Variants in FREM1 observed in about 807,000 individuals in gnomAD.
The protein encoded by FREM1 is FRAS1 related extracellular matrix 1.
A neutral mutation model predicts 210.1 loss-of-function variants in FREM1; 220 were observed. That is an observed-to-expected ratio of 1.05 (90% CI 0.94 to 1.17). The LOEUF is 1.17. Ranked by LOEUF, FREM1 falls within the 50% of genes most tolerant of loss-of-function variation. FREM1 has a pLI of 0.00. For synonymous variants in FREM1, 1,189 were observed against 980.2 expected, an observed-to-expected ratio of 1.21 and a Z score of -3.98; for missense variants, 3,454 against 2,675.5, an observed-to-expected ratio of 1.29 and a Z score of -6.42.
intron 1 of FREM1, among the ~76,000 whole-genome samples, chr9:14,885,081 C>T (rs188714883): frequency 1.4e-5 from 2 of 147,986 alleles, no homozygotes; most frequent in Admixed American, 6.7e-5. Context: ...CCCGCCACCG[C>T]GCCCGGCTAA....
intron 5 of FREM1, among the ~76,000 whole-genome samples, chr9:14,852,489 A>G (rs1827958240): frequency 6.6e-6 from 1 of 152,098 alleles, no homozygotes; most frequent in African/African-American, 2.4e-5. Flanking sequence ...GGAGTTTGAG[A>G]CCAGCCTAGG....
chr9:14,884,756 A>T (rs1341903313), intron 1 of FREM1, among the ~76,000 whole-genome samples: 1 of 152,098 alleles, frequency 6.6e-6, no homozygotes, highest in Non-Finnish European at 1.5e-5. Flanking sequence ...AATGCAATGG[A>T]AATTCTTAAC....
chr9:14,787,124 A>T (rs1850543055), intron 23 of FREM1, among the ~76,000 whole-genome samples: 1 of 152,192 alleles, frequency 6.6e-6, no homozygotes, highest in Non-Finnish European at 1.5e-5. Flanking sequence ...TGTTATTTAT[A>T]ATAGCTCCCA....
intron 1 of FREM1, among the ~76,000 whole-genome samples, chr9:14,871,057 C>T (rs1426978547): frequency 1.3e-5 from 2 of 151,998 alleles, no homozygotes; most frequent in East Asian, 1.9e-4. Flanking sequence ...TCTATCATGG[C>T]TGGACATTTG....
At chr9:14,882,113 G>T (rs7870578) in intron 1 of FREM1, among the ~76,000 whole-genome samples, 15,223 of 151,384 alleles carry the variant, frequency 0.1, 1,359 homozygotes, top group African/African-American at 0.24. Flanking sequence ...TTATTATTTT[G>T]TGTGTGTGTG....
intron 1 of FREM1, among the ~76,000 whole-genome samples, chr9:14,875,384 T>A (rs1477749817): frequency 6.6e-6 from 1 of 152,180 alleles, no homozygotes; most frequent in Non-Finnish European, 1.5e-5. Context: ...CCTTTTATTC[T>A]TTTTTCTCTA....
chr9:14,817,251 G>A (rs559708672), intron 14 of FREM1, among the ~76,000 whole-genome samples: 1 of 152,252 alleles, frequency 6.6e-6, no homozygotes, highest in East Asian at 1.9e-4. Context: ...GGGACACTGT[G>A]GATTTGATCT....
chr9:14,832,672 G>A (rs764270777), intron 10 of FREM1, among the ~76,000 whole-genome samples: 3 of 152,136 alleles, frequency 2.0e-5, no homozygotes, highest in Non-Finnish European at 4.4e-5. Context: ...TGAGCTAGCG[G>A]GGAGGGAACC....
intron 23 of FREM1, among the ~76,000 whole-genome samples, chr9:14,788,591 G>A (rs78244358): frequency 6.6e-6 from 1 of 152,132 alleles, no homozygotes; most frequent in Non-Finnish European, 1.5e-5. Flanking sequence ...TAAAACTAGA[G>A]TTACACATCA....
At chr9:14,810,655 T>C (rs1819234357) in intron 16 of FREM1, among the ~76,000 whole-genome samples, 2 of 152,194 alleles carry the variant, frequency 1.3e-5, no homozygotes, top group African/African-American at 4.8e-5. Flanking sequence ...GTTATTCTAT[T>C]ACTAAAACAT....
Position 14,752,907 on chromosome 9 carries a change from C to T in FREM1, c.5408-2631G>A, listed in dbSNP as rs570117017. On this transcript the variant is annotated intron_variant, in intron 29 of 36. Transcript: ENST00000380880. ...AACTTAAGGTTTTTGTTGGACCTTA[C>T]GGAGTAGAACCAGATGGTTAGGGGT... Among the ~76,000 whole-genome samples the T allele has an allele frequency of 3.3e-5, 5 of 152,230 alleles. No homozygotes were observed. The South Asian group carries it at 6.2e-4, about 19-fold the overall frequency.
chr9:14,836,067 A>G lies in FREM1; in HGVS notation c.1881+5380T>C, dbSNP rs369499049. 2.0e-4 allele frequency among the ~76,000 whole-genome samples: 31 copies of G among 152,338 alleles called. No homozygotes were observed. The highest frequency in any genetic ancestry group is 6.8e-3 in the Middle Eastern group (2 of 294). On this transcript the variant is annotated intron_variant, in intron 10 of 36. Transcript: ENST00000380880. The surrounding 1 kb of genome is among the most constrained non-coding windows in gnomAD (Gnocchi z 4.9). ...TCTGCCGGGTAATGAAAAGTGAGTA[A>G]GGTGCCCATAACTCTGAGCTTTCTT...
At chr9:14,821,471 G>A (rs928434221) in intron 13 of FREM1, among the ~76,000 whole-genome samples, 5 of 152,122 alleles carry the variant, frequency 3.3e-5, no homozygotes, top group Non-Finnish European at 7.4e-5. Context: ...AGAAAACTTT[G>A]GCTTCTTTAG....
At chr9:14,802,643 T>C (rs1388597404) in intron 19 of FREM1, among the ~76,000 whole-genome samples, 2 of 152,184 alleles carry the variant, frequency 1.3e-5, no homozygotes, top group Non-Finnish European at 2.9e-5. Context: ...TGATTCAATC[T>C]TTTTTTCTCA....
Position 14,813,013 on chromosome 9 carries a change from C to T in FREM1, c.2692G>A (p.Val898Ile). 1 of 1,613,878 alleles carries T rather than the reference C, an allele frequency of 6.2e-7. No individual in the cohort carries two copies. Among genetic ancestry groups the T allele is most frequent in the South Asian group, 1.1e-5 (1 of 91,074 alleles). ...PPVLKADLMP[V>I]MNCSEGGEVV... ...TCTCCTCCCTCTGAGCAATTCATGA[C>T]AGGCATGAGGTCAGCCTTTAAGACT... The change falls in exon 16 of 37, where the codon GTC becomes ATC. Residue 898 changes from valine to isoleucine, a missense_variant. By Grantham distance (29) the Val-to-Ile change is conservative. Coordinates refer to ENST00000380880, the MANE Select transcript of FREM1 (RefSeq NM_001379081.2).
rs1827135356 is a variant in FREM1 at position 14,848,758 on chromosome 9, ATACCTCCAATTC to A, written c.1156_1167del (p.Glu386_Val389del). 1 of 1,608,220 alleles carries A rather than the reference ATACCTCCAATTC, an allele frequency of 6.2e-7. No individual in the cohort carries two copies. On this transcript the variant is annotated inframe_deletion, in exon 7 of 37. Transcript: ENST00000380880. The stretch of plus-strand genomic sequence containing the variant: ...GCACTCCTTTCAAAGAAGAAGTCGT[ATACCTCCAATTC>A]TACCTGTAAACAAACAGAGGCAAAG...
intron 5 of FREM1, among the ~76,000 whole-genome samples, chr9:14,851,877 G>A (rs1427033265): frequency 6.6e-6 from 1 of 152,208 alleles, no homozygotes; most frequent in Non-Finnish European, 1.5e-5. Context: ...GCAGCCAGGT[G>A]AAGAAGGGAG....
intron 2 of FREM1, 107 bp downstream of exon 2, chr9:14,868,637 G>C: frequency 1.4e-6 from 1 of 722,484 alleles, no homozygotes; most frequent in Non-Finnish European, 2.4e-6. Flanking sequence ...ACTCGTCTTT[G>C]ATGGCTTGAG....
intron 2 of FREM1, among the ~76,000 whole-genome samples, chr9:14,867,000 C>A (rs1831644038): frequency 6.8e-6 from 1 of 147,126 alleles, no homozygotes; most frequent in African/African-American, 2.7e-5. Context: ...GCTAGGCTTA[C>A]AGGTATGTGC....
Sources: gnomAD v4.1 joint callset for allele counts (sites outside exome capture counted in the v4.1 genomes callset) on GRCh38, gnomAD v4.1.1 for gene constraint, Gnocchi (gnomAD v3.1) non-coding constraint, MANE v1.5 for transcripts, NCBI Gene and HGNC (gene_info 2026-07-23, HGNC 2026-07-21) for gene names.